Variants in ADGRV1 observed in about 807,000 individuals in gnomAD.
ADGRV1 encodes the protein adhesion G protein-coupled receptor V1.
In ADGRV1, 359 loss-of-function variants were observed where a neutral mutation model predicts 596.2. The ratio of observed to expected loss-of-function variants is 0.60; its 90% CI spans 0.55 to 0.66. ADGRV1 has a LOEUF of 0.66. Ranked by LOEUF, ADGRV1 falls within the 30% of genes least tolerant of loss-of-function variation. The probability of loss-of-function intolerance (pLI) is 0.00; values close to 1 mark genes in which losing one functional copy is unlikely to be tolerated. For missense variants in ADGRV1, 7,274 were observed against 7,575.6 expected (o/e 0.96, Z 1.48); for synonymous variants, 2,681 against 2,679.2 (o/e 1.00, Z -0.02).
At chr5:90,919,407 G>T (rs1052973346) in intron 83 of ADGRV1, among the ~76,000 whole-genome samples, 1 of 152,154 alleles carries the variant, frequency 6.6e-6, no homozygotes, top group Non-Finnish European at 1.5e-5. Flanking sequence ...ATATTGGGAG[G>T]TGTAGTTGAT....
intron 1 of ADGRV1, among the ~76,000 whole-genome samples, chr5:90,573,857 C>T (rs1391308588): frequency 6.6e-6 from 1 of 152,076 alleles, no homozygotes; most frequent in African/African-American, 2.4e-5. Context: ...TGCACGTGTG[C>T]ATGTGAGCAT....
intron 70 of ADGRV1, among the ~76,000 whole-genome samples, chr5:90,800,589 A>T (rs550693282): frequency 1.3e-4 from 20 of 152,224 alleles, no homozygotes; most frequent in Non-Finnish European, 2.6e-4. Context: ...TACCGAAAGG[A>T]TTATAAATCA....
rs567392740 is a variant in ADGRV1, at chr5:90,586,119, A to T, written c.22+27202A>T. ...GAGTGTGCCATTAAATATTTTTATT[A>T]TAAAAGCTTTCCAACATGCACAAAA... On this transcript the variant is annotated intron_variant, in intron 1 of 89. Transcript: ENST00000405460. Among the ~76,000 whole-genome samples the T allele has an allele frequency of 2.0e-5, 3 of 152,332 alleles. No individual in the cohort carries two copies. The East Asian group carries it at 5.8e-4, about 29-fold the overall frequency.
At position 91,062,043 on chromosome 5, in the gene ADGRV1, C is replaced by T. The variant is rs1400365625; in HGVS notation, c.18153-10404C>T. On this transcript the variant is annotated intron_variant, in intron 85 of 89. Transcript: ENST00000405460. Reference sequence around the variant, plus strand: ...ATTCAAAAGTGGTACAGTTGGACCTCAGGAAACCTAGAACTAGCATGCTAG... The same window carrying T: ...ATTCAAAAGTGGTACAGTTGGACCTTAGGAAACCTAGAACTAGCATGCTAG... Among the ~76,000 whole-genome samples, 5 of 152,172 alleles carry T rather than the reference C, an allele frequency of 3.3e-5. No individual in the cohort carries two copies. In the South Asian group the frequency reaches 8.3e-4, roughly 25 times the overall value.
At chr5:90,703,888 T>C in intron 35 of ADGRV1, 93 bp downstream of exon 35, 1 of 888,024 alleles carries the variant, frequency 1.1e-6, no homozygotes, top group East Asian at 2.8e-5. Flanking sequence ...ATTGTAGTTA[T>C]TATCTTTCTC....
intron 85 of ADGRV1, among the ~76,000 whole-genome samples, chr5:91,056,159 A>G (rs7723511): frequency 0.62 from 93,567 of 152,004 alleles, 29,184 homozygotes; most frequent in South Asian, 0.68. Context: ...GTGGTTGGGC[A>G]TTGTTGTAGA....
intron 21 of ADGRV1, among the ~76,000 whole-genome samples, chr5:90,663,479 T>C (rs1439417869): frequency 4.0e-5 from 6 of 150,652 alleles, no homozygotes; most frequent in African/African-American, 1.5e-4. Flanking sequence ...TTCTTGTAAA[T>C]TTGTTTGAGT....
At chr5:91,145,114 T>C (rs1795421829) in intron 87 of ADGRV1, among the ~76,000 whole-genome samples, 1 of 152,270 alleles carries the variant, frequency 6.6e-6, no homozygotes, top group Admixed American at 6.5e-5. Context: ...TAAACATTCT[T>C]TTCTTTCCAT....
chr5:90,683,848 A>T lies in ADGRV1; in HGVS notation c.5927A>T (p.Tyr1976Phe). ...ACAGTTTTGGCTAGTGATGATCCAT[A>T]TGGGATATTCATTTTTTCTGAGAAA... ...TLTVLASDDP[Y>F]GIFIFSEKNR... Residue 1976 changes from tyrosine to phenylalanine, a missense_variant, in exon 28 of 90, where the codon TAT becomes TTT. Transcript: ENST00000405460. The T allele has an allele frequency of 6.2e-7, 1 of 1,613,720 alleles. No homozygotes were observed. Among genetic ancestry groups the T allele is most frequent in the Non-Finnish European group, 8.5e-7 (1 of 1,179,788 alleles).
chr5:91,028,734 T>C lies in ADGRV1; in HGVS notation c.18152+43212T>C, dbSNP rs966708937. Reference sequence around the variant, plus strand: ...TCCAAGTGAAAACACTAGACTCTGTTTTTTTTTTTTTTTTTTTTTTTAGGA... The same window carrying C: ...TCCAAGTGAAAACACTAGACTCTGTCTTTTTTTTTTTTTTTTTTTTTAGGA... On this transcript the variant is annotated intron_variant, in intron 85 of 89. Coordinates refer to ENST00000405460, the MANE Select transcript of ADGRV1 (RefSeq NM_032119.4). Among the ~76,000 whole-genome samples, 57 of 144,936 alleles carry C rather than the reference T, an allele frequency of 3.9e-4. No individual in the cohort carries two copies. In the East Asian group the frequency reaches 0.01, roughly 26 times the overall value.
chr5:90,614,155 GAAAA>G (rs11286344), intron 1 of ADGRV1: 21,656 of 258,750 alleles, frequency 0.084, 470 homozygotes, highest in Non-Finnish European at 0.098. Context: ...ATATCATAGT[GAAAA>G]AAAAAAAAAA....
In ADGRV1 at chr5:90,778,899, T is replaced by G; in HGVS notation, c.12884T>G (p.Phe4295Cys). Residue 4295 changes from phenylalanine to cysteine, a missense_variant, in exon 64 of 90, where the codon TTT becomes TGT. By Grantham distance (205) the Phe-to-Cys change is radical. Transcript: ENST00000405460. ...NITIIRSSGD[F>C]GHVRLWYKTM... The stretch of plus-strand genomic sequence containing the variant: ...ACAATCATCCGTTCCAGTGGAGATT[T>G]TGGCCATGTGCGACTCTGGTACAAG... 1 of 1,613,158 alleles carries G rather than the reference T, an allele frequency of 6.2e-7. No individual in the cohort carries two copies. The highest frequency in any genetic ancestry group is 8.5e-7 in the Non-Finnish European group (1 of 1,179,334).
Position 90,863,831 on chromosome 5 carries a change from A to G in ADGRV1, c.17830A>G (p.Met5944Val), listed in dbSNP as rs759570890. ...GTTTGCAGCTAAACTTCTGACTCAC[A>G]TGATGGCAGCCAGCTTAGGTACACA... is the stretch of plus-strand genomic sequence containing the variant. ...SMFAAKLLTH[M>V]MAASLGTQIL... The change falls in exon 83 of 90, where the codon ATG becomes GTG. Residue 5944 changes from methionine to valine, a missense_variant. Coordinates refer to ENST00000405460, the MANE Select transcript of ADGRV1 (RefSeq NM_032119.4). 8.1e-6 allele frequency: 13 copies of G among 1,613,048 alleles called. No homozygotes were observed. Among genetic ancestry groups the G allele is most frequent in the Admixed American group, 3.3e-5 (2 of 59,994 alleles).
intron 87 of ADGRV1, among the ~76,000 whole-genome samples, chr5:91,115,364 CTTA>C (rs1792760759): frequency 6.6e-6 from 1 of 152,122 alleles, no homozygotes; most frequent in South Asian, 2.1e-4. Context: ...AATGAAGATA[CTTA>C]GAGGTGCTGA....
At chr5:90,895,993 G>C (rs770187984) in intron 83 of ADGRV1, among the ~76,000 whole-genome samples, 3 of 151,518 alleles carry the variant, frequency 2.0e-5, no homozygotes, top group Non-Finnish European at 4.4e-5. Flanking sequence ...AGGGCCAATG[G>C]GGGTGCAGAT....
chr5:90,652,552 T>G lies in ADGRV1; in HGVS notation c.3623T>G (p.Val1208Gly), dbSNP rs1462397127. Residue 1208 changes from valine (V) to glycine (G), a missense_variant, in exon 19 of 90, where the codon GTA becomes GGA. Physicochemically the swap from Val to Gly is moderately radical, Grantham distance 109. Coordinates refer to ENST00000405460, the MANE Select transcript of ADGRV1 (RefSeq NM_032119.4). ...AATGAATTTTATTTCCTAAAACTTG[T>G]AAACATTTCAGGTACTGTGTTTTTC... Reference protein sequence around the residue: ...EFNEFYFLKLVNISGGSPGPG... With the variant: ...EFNEFYFLKLGNISGGSPGPG... 2 of 1,598,472 alleles carry G rather than the reference T, an allele frequency of 1.3e-6. No individual in the cohort carries two copies. Among genetic ancestry groups the G allele is most frequent in the Non-Finnish European group, 1.7e-6 (2 of 1,167,676 alleles).
rs1764296583 is a variant in ADGRV1, at chr5:90,828,976, A to G, written c.16401A>G (p.Glu5467=). 6 of 1,591,724 alleles carry G rather than the reference A, an allele frequency of 3.8e-6. No individual in the cohort carries two copies. The highest frequency in any genetic ancestry group is 5.1e-6 in the Non-Finnish European group (6 of 1,166,732). The change falls in exon 77 of 90, where the codon GAA becomes GAG. Residue 5467 remains glutamate (E), a synonymous_variant. Transcript: ENST00000405460. ...VPQVEVYFFV[E]LYEATAGAAI... is the part of the protein sequence containing the mutation. ...AGGTTGAAGTGTATTTTTTTGTGGAACTATATGAAGCTACTGCTGGAGCAG... is the reference window on the plus strand; with the variant it reads ...AGGTTGAAGTGTATTTTTTTGTGGAGCTATATGAAGCTACTGCTGGAGCAG...
chr5:90,927,903 C>T (rs1404744505), intron 83 of ADGRV1, among the ~76,000 whole-genome samples: 1 of 152,030 alleles, frequency 6.6e-6, no homozygotes, highest in Non-Finnish European at 1.5e-5. Context: ...CGTAGTTTGG[C>T]TGGATATGAA....
intron 85 of ADGRV1, among the ~76,000 whole-genome samples, chr5:91,006,518 C>G (rs757355519): frequency 6.6e-6 from 1 of 152,054 alleles, no homozygotes; most frequent in African/African-American, 2.4e-5. Context: ...TTGATCACCT[C>G]TCTGCATGGT....
Sources: allele counts gnomAD v4.1 joint callset (sites outside exome capture counted in the v4.1 genomes callset), GRCh38; gene constraint gnomAD v4.1.1; transcripts MANE v1.5; gene names NCBI Gene and HGNC (gene_info 2026-07-23, HGNC 2026-07-21).